Variants in NMNAT2 observed in about 807,000 individuals in gnomAD.
NMNAT2 encodes the protein nicotinamide nucleotide adenylyltransferase 2.
A neutral mutation model predicts 41.6 loss-of-function variants in NMNAT2; 11 were observed. The observed-to-expected ratio is 0.26, with a 90% confidence interval of 0.17 to 0.44. The LOEUF (loss-of-function observed/expected upper bound fraction) is 0.44. Ranked by LOEUF, NMNAT2 falls within the 20% of genes least tolerant of loss-of-function variation. The pLI is 1.00. For missense variants in NMNAT2, 288 were observed against 407.7 expected (o/e 0.71, Z 2.53); for synonymous variants, 148 against 151.2 (o/e 0.98, Z 0.16).
chr1:183,356,985 C>A (rs1031087304), intron 1 of NMNAT2, among the ~76,000 whole-genome samples: 2 of 152,100 alleles, frequency 1.3e-5, no homozygotes, highest in Non-Finnish European at 2.9e-5. Context: ...TGGCTCTGTG[C>A]CAGATGCTTT....
chr1:183,330,457 G>A (rs1192958569), intron 1 of NMNAT2, among the ~76,000 whole-genome samples: 2 of 152,180 alleles, frequency 1.3e-5, no homozygotes, highest in African/African-American at 2.4e-5. Flanking sequence ...GGTGGGACAG[G>A]TGCTGGCTTT....
intron 1 of NMNAT2, among the ~76,000 whole-genome samples, chr1:183,342,961 A>G (rs965141077): frequency 6.6e-6 from 1 of 151,844 alleles, no homozygotes. Context: ...TTTGTTACCC[A>G]GGCTGGCCTC....
At chr1:183,380,864 A>C (rs1394400691) in intron 1 of NMNAT2, among the ~76,000 whole-genome samples, 3 of 152,196 alleles carry the variant, frequency 2.0e-5, no homozygotes, top group Non-Finnish European at 4.4e-5. Flanking sequence ...TCAAAGCCAA[A>C]CAATGTCTTC....
At chr1:183,280,359 G>A (rs1661228108) in intron 7 of NMNAT2, among the ~76,000 whole-genome samples, 1 of 152,092 alleles carries the variant, frequency 6.6e-6, no homozygotes, top group Admixed American at 6.5e-5. Context: ...GGCTTTGAAT[G>A]CAGTCTAACA....
chr1:183,274,314 T>TATTA (rs1258586413), intron 8 of NMNAT2, among the ~76,000 whole-genome samples: 1 of 151,772 alleles, frequency 6.6e-6, no homozygotes, highest in Non-Finnish European at 1.5e-5. Flanking sequence ...ATTTATTTGT[T>TATTA]ATTTATTTAT....
intron 8 of NMNAT2, among the ~76,000 whole-genome samples, chr1:183,276,779 G>A (rs141485560): frequency 2.6e-5 from 4 of 152,320 alleles, no homozygotes; most frequent in East Asian, 1.9e-4. Context: ...AACTTTGCCC[G>A]CATTACTTTT....
chr1:183,303,625 G>A (rs1457398045), intron 1 of NMNAT2, among the ~76,000 whole-genome samples: 1 of 152,194 alleles, frequency 6.6e-6, no homozygotes, highest in African/African-American at 2.4e-5. Context: ...TTGGGAAGCA[G>A]GGAGCTGGGT....
At chr1:183,294,683 G>A (rs1011579429) in intron 1 of NMNAT2, among the ~76,000 whole-genome samples, 8 of 152,204 alleles carry the variant, frequency 5.3e-5, no homozygotes, top group Non-Finnish European at 7.4e-5. Flanking sequence ...CTAGTTACTC[G>A]GGAGACTGAG....
chr1:183,359,613 G>A (rs1663264193), intron 1 of NMNAT2, among the ~76,000 whole-genome samples: 1 of 152,122 alleles, frequency 6.6e-6, no homozygotes, highest in Non-Finnish European at 1.5e-5. Flanking sequence ...CAGGACAGAG[G>A]GCATCTTGTC....
At chr1:183,413,322 C>T (rs759681874) in intron 1 of NMNAT2, among the ~76,000 whole-genome samples, 3 of 152,088 alleles carry the variant, frequency 2.0e-5, no homozygotes, top group Non-Finnish European at 4.4e-5. Flanking sequence ...TGGGCTCAAG[C>T]GGACCTTTCA....
At chr1:183,384,872 A>C in intron 1 of NMNAT2, among the ~76,000 whole-genome samples, 1 of 152,168 alleles carries the variant, frequency 6.6e-6, no homozygotes. Context: ...GATATTGTAT[A>C]TATACTATGA....
At chr1:183,327,720 A>G (rs1290784297) in intron 1 of NMNAT2, among the ~76,000 whole-genome samples, 1 of 152,240 alleles carries the variant, frequency 6.6e-6, no homozygotes, top group Non-Finnish European at 1.5e-5. Flanking sequence ...CAGTGCCACA[A>G]GGACATTTCT....
intron 1 of NMNAT2, among the ~76,000 whole-genome samples, chr1:183,322,488 C>T (rs1194937077): frequency 1.3e-5 from 2 of 152,164 alleles, no homozygotes; most frequent in Non-Finnish European, 2.9e-5. Context: ...CCACCTGACC[C>T]ATCCAGCTGG....
intron 1 of NMNAT2, among the ~76,000 whole-genome samples, chr1:183,374,138 A>G (rs932872616): frequency 2.0e-5 from 3 of 152,240 alleles, no homozygotes; most frequent in Admixed American, 6.5e-5. Context: ...TCATCCATGT[A>G]GGGTTGAGGG....
chr1:183,255,811 A>C (rs484015), intron 10 of NMNAT2, among the ~76,000 whole-genome samples: 5,134 of 151,914 alleles, frequency 0.034, 292 homozygotes, highest in African/African-American at 0.12. Flanking sequence ...TTACAGGCAC[A>C]AGCCACAATG....
intron 1 of NMNAT2, among the ~76,000 whole-genome samples, chr1:183,377,266 G>A (rs1303223278): frequency 2.0e-5 from 3 of 151,994 alleles, no homozygotes; most frequent in African/African-American, 4.8e-5. Context: ...GACAGTGACT[G>A]CCTACAACTG....
At chr1:183,282,379 T>A (rs187023069) in intron 7 of NMNAT2, among the ~76,000 whole-genome samples, 1 of 152,140 alleles carries the variant, frequency 6.6e-6, no homozygotes, top group African/African-American at 2.4e-5. Flanking sequence ...CGTGAGCTAA[T>A]GGAAGTGAAC....
At chr1:183,337,896 A>G (rs1234917121) in intron 1 of NMNAT2, among the ~76,000 whole-genome samples, 1 of 152,182 alleles carries the variant, frequency 6.6e-6, no homozygotes, top group African/African-American at 2.4e-5. Context: ...TTTAATGCAA[A>G]AGTAGTGGAA....
chr1:183,341,270 C>T (rs1662794675), intron 1 of NMNAT2, among the ~76,000 whole-genome samples: 1 of 152,136 alleles, frequency 6.6e-6, no homozygotes, highest in Admixed American at 6.5e-5. Context: ...TGCACCTACC[C>T]ATTAGTTGCT....
Sources: gnomAD v4.1 joint callset for allele counts (sites outside exome capture counted in the v4.1 genomes callset) on GRCh38, gnomAD v4.1.1 for gene constraint, MANE v1.5 for transcripts, NCBI Gene and HGNC (gene_info 2026-07-23, HGNC 2026-07-21) for gene names.